The following TBC1D8 variants were observed in gnomAD, a reference collection of about 807,000 sequenced individuals.
TBC1D8 encodes TBC1 domain family member 8, also known as BUB2-like protein 1.
TBC1D8 carries 65 observed loss-of-function variants against 118.8 expected under a neutral mutation model. That is an observed-to-expected ratio of 0.55 (90% CI 0.45 to 0.67). The LOEUF (loss-of-function observed/expected upper bound fraction) is 0.67. Ranked by LOEUF, TBC1D8 falls within the 30% of genes least tolerant of loss-of-function variation. TBC1D8 has a pLI of 0.00. For synonymous variants in TBC1D8, 566 were observed against 595.8 expected (o/e 0.95, Z 0.73); for missense variants, 1,376 against 1,471.2 (o/e 0.94, Z 1.06).
chr2:101,060,830 G>A (rs992064435), intron 2 of TBC1D8, among the ~76,000 whole-genome samples: 1 of 152,158 alleles, frequency 6.6e-6, no homozygotes, highest in Non-Finnish European at 1.5e-5. Flanking sequence ...GACAACAACA[G>A]AGCTGAATCA....
chr2:101,027,517 A>C (rs1680407686), intron 14 of TBC1D8, 66 bp from the exon 15 acceptor site: 1 of 1,461,494 alleles, frequency 6.8e-7, no homozygotes, highest in Non-Finnish European at 9.6e-7. Context: ...TCAGGGCAAG[A>C]GGGGACTCTT....
chr2:101,117,315 A>G (rs1039996362), intron 1 of TBC1D8, among the ~76,000 whole-genome samples: 4 of 152,168 alleles, frequency 2.6e-5, no homozygotes, highest in Non-Finnish European at 2.9e-5. Flanking sequence ...TTCCACGCAC[A>G]GAGTGAGAGA....
intron 1 of TBC1D8, among the ~76,000 whole-genome samples, chr2:101,126,653 T>C (rs1209513588): frequency 6.6e-6 from 1 of 152,190 alleles, no homozygotes; most frequent in Non-Finnish European, 1.5e-5. Context: ...TGTAATTCAA[T>C]ATGAAAACGT....
chr2:101,041,976 G>C (rs1681413284), intron 5 of TBC1D8, among the ~76,000 whole-genome samples: 1 of 151,648 alleles, frequency 6.6e-6, no homozygotes. Flanking sequence ...AGTGAGTCGA[G>C]ATCGCGCCAC....
Position 101,050,505 on chromosome 2 carries a change from A to C in TBC1D8, c.768T>G (p.Phe256Leu). Residue 256 changes from phenylalanine (F) to leucine (L), a missense_variant, in exon 5 of 20, where the codon TTT (phenylalanine) becomes TTG (leucine). Coordinates refer to ENST00000409318, the MANE Select transcript of TBC1D8 (RefSeq NM_001330348.2). ...CGTCGGCCAGCTGCTCCATGACCTT[A>C]AACACCTCATCCAGGTTCAGGAACA... Reference protein sequence around the residue: ...FSMFLNLDEVFKVMEQLADVT... With the variant: ...FSMFLNLDEVLKVMEQLADVT... The C allele has an allele frequency of 6.2e-7, 1 of 1,613,992 alleles. No homozygotes were observed. The highest frequency in any genetic ancestry group is 8.5e-7 in the Non-Finnish European group (1 of 1,179,878).
Position 101,022,317 on chromosome 2 carries a change from G to A in TBC1D8, c.2725C>T (p.Gln909Ter). 6.2e-7 allele frequency: 1 copy of A among 1,612,774 alleles called. No individual in the cohort carries two copies. The change falls in exon 16 of 20, where the codon CAG becomes TAG. Residue 909 changes from glutamine to a stop codon, truncating the protein, a stop_gained. Coordinates refer to ENST00000409318, the MANE Select transcript of TBC1D8 (RefSeq NM_001330348.2). LOFTEE classifies it high-confidence loss of function. ...ACAAACGCTTTGAACTCGATGAGCT[G>A]GTCCATGTTGTCATCCAAGAGCCTG... ...TFRLLDDNMD[Q>*]LIEFKAFVSC...
intron 2 of TBC1D8, among the ~76,000 whole-genome samples, chr2:101,066,944 CAAAAAAAAA>C (rs543680787): frequency 4.4e-5 from 5 of 114,922 alleles, no homozygotes; most frequent in Middle Eastern, 5.2e-3. Flanking sequence ...GAGAGTATCC[CAAAAAAAAA>C]AAAAAAAAAA....
At chr2:101,026,665 G>A (rs1187476101) in intron 15 of TBC1D8, among the ~76,000 whole-genome samples, 2 of 152,126 alleles carry the variant, frequency 1.3e-5, no homozygotes, top group East Asian at 3.9e-4. Flanking sequence ...CTGCAACTGC[G>A]CTTCCTCCCC....
At chr2:101,022,581 C>A in intron 15 of TBC1D8, 60 bp from the exon 16 acceptor site, 1 of 1,547,398 alleles carries the variant, frequency 6.5e-7, no homozygotes, top group Non-Finnish European at 8.6e-7. Context: ...ACGTTATTAA[C>A]ACAAACAAAT....
At chr2:101,075,063 C>T (rs760587521) in intron 2 of TBC1D8, among the ~76,000 whole-genome samples, 6 of 152,088 alleles carry the variant, frequency 3.9e-5, no homozygotes, top group African/African-American at 1.4e-4. Context: ...AGCTTGTTGG[C>T]CAGAAAGCCA....
chr2:101,131,729 G>A (rs2104258094), intron 1 of TBC1D8, among the ~76,000 whole-genome samples: 1 of 151,886 alleles, frequency 6.6e-6, no homozygotes, highest in Admixed American at 6.6e-5. Context: ...GCAGGAGAAT[G>A]ACGTGAACCC....
chr2:101,036,092 G>A lies in TBC1D8; in HGVS notation c.1529C>T (p.Thr510Ile), dbSNP rs1358092631. The A allele has an allele frequency of 9.3e-6, 15 of 1,613,990 alleles. No individual in the cohort carries two copies. The highest frequency in any genetic ancestry group is 1.3e-5 in the Non-Finnish European group (15 of 1,179,892). The change falls in exon 9 of 20, where the codon ACA becomes ATA. Residue 510 changes from threonine (T) to isoleucine (I), a missense_variant. Coordinates refer to ENST00000409318, the MANE Select transcript of TBC1D8 (RefSeq NM_001330348.2). ...EYGRTVCMFRTEKIRKLVAMG... is the reference protein window; with the variant it reads ...EYGRTVCMFRIEKIRKLVAMG... ...GGCTACGAGCTTCCGAATCTTCTCT[G>A]TGCGAAACATACACACGGTTCTGCC... is the stretch of plus-strand genomic sequence containing the variant.
At chr2:101,011,047 T>C in intron 18 of TBC1D8, 21 bp from the exon 19 acceptor site, 3 of 1,603,344 alleles carry the variant, frequency 1.9e-6, no homozygotes, top group Non-Finnish European at 2.6e-6. Flanking sequence ...AGGAAAACAA[T>C]ATGTGGTTTA....
At chr2:101,079,453 C>A (rs561461639) in intron 2 of TBC1D8, among the ~76,000 whole-genome samples, 1 of 152,252 alleles carries the variant, frequency 6.6e-6, no homozygotes, top group African/African-American at 2.4e-5. Flanking sequence ...TAGCTCACCG[C>A]AGCCTTGAAC....
At position 101,040,374 on chromosome 2, in the gene TBC1D8, G is replaced by A. The variant is rs1278984647; in HGVS notation, c.884C>T (p.Ala295Val). The A allele has an allele frequency of 2.5e-6, 4 of 1,598,136 alleles. No individual in the cohort carries two copies. The highest frequency in any genetic ancestry group is 2.6e-6 in the Non-Finnish European group (3 of 1,171,788). The change falls in exon 6 of 20, where the codon GCC becomes GTC. Residue 295 changes from alanine (A) to valine (V), a missense_variant. Ala to Val is a moderately conservative substitution (Grantham distance 64). Transcript: ENST00000409318. ...PSQITKRDLE[A>V]RAQNEFFRAF... is the part of the protein sequence containing the mutation. ...CCGGAAGAACTCATTCTGTGCTCTG[G>A]CTTCCAGGTCCCTGGGGAAGGACAG...
intron 1 of TBC1D8, among the ~76,000 whole-genome samples, chr2:101,112,549 G>C (rs1370319323): frequency 6.6e-6 from 1 of 152,202 alleles, no homozygotes; most frequent in East Asian, 1.9e-4. Flanking sequence ...ATCAGGGTTA[G>C]ACTGGAACAG....
chr2:101,118,636 G>A (rs1677954817), intron 1 of TBC1D8, among the ~76,000 whole-genome samples: 2 of 149,954 alleles, frequency 1.3e-5, no homozygotes, highest in Admixed American at 6.7e-5. Flanking sequence ...GGCGGAGCTT[G>A]CAGTGAGCCG....
At chr2:101,022,611 A>C (rs1441069477) in intron 15 of TBC1D8, 90 bp from the exon 16 acceptor site, 1 of 1,484,526 alleles carries the variant, frequency 6.7e-7, no homozygotes, top group Non-Finnish European at 8.9e-7. Flanking sequence ...AATTACTCAC[A>C]ATCTCACCAC....
Position 101,033,734 on chromosome 2 carries a change from T to C in TBC1D8, c.1628A>G (p.His543Arg). The C allele has an allele frequency of 6.2e-7, 1 of 1,613,348 alleles. No individual in the cohort carries two copies. The highest frequency in any genetic ancestry group is 8.5e-7 in the Non-Finnish European group (1 of 1,179,476). The change falls in exon 10 of 20, where the codon CAC becomes CGC. Residue 543 changes from histidine (H) to arginine (R), a missense_variant. His to Arg is a conservative substitution (Grantham distance 29). Coordinates refer to ENST00000409318, the MANE Select transcript of TBC1D8 (RefSeq NM_001330348.2). ...CACCAGATTCCCGTAGTAACCAGGG[T>C]GTGAGGCAAGATCCGTCACCGCATC... ...FSDAVTDLAS[H>R]PGYYGNLVEE...
Sources: allele counts gnomAD v4.1 joint callset (sites outside exome capture counted in the v4.1 genomes callset), GRCh38; gene constraint gnomAD v4.1.1; transcripts MANE v1.5; gene names NCBI Gene and HGNC (gene_info 2026-07-23, HGNC 2026-07-21).